The following PCDH17 variants were observed in gnomAD, a reference collection of about 807,000 sequenced individuals.
PCDH17 encodes protocadherin 17.
A neutral mutation model predicts 67.7 loss-of-function variants in PCDH17; 21 were observed. The ratio of observed to expected loss-of-function variants is 0.31; its 90% CI spans 0.22 to 0.45. PCDH17 has a LOEUF of 0.45. Among genes scored for constraint, PCDH17 ranks in the 20% least tolerant of loss-of-function variants. The pLI is 1.00. For missense variants in PCDH17, 1,471 were observed against 1,564.8 expected (o/e 0.94, Z 1.01); for synonymous variants, 701 against 656.7 (o/e 1.07, Z -1.03).
intron 1 of PCDH17, among the ~76,000 whole-genome samples, chr13:57,656,317 T>TAA (rs1489934804): frequency 2.0e-5 from 3 of 152,146 alleles, no homozygotes; most frequent in Non-Finnish European, 4.4e-5. Context: ...AGCTTGATCA[T>TAA]AAAAATTTAA....
At position 57,634,778 on chromosome 13, in the gene PCDH17, C is replaced by T. The variant is rs769907429; in HGVS notation, c.2232C>T (p.Ile744=). 1.1e-5 allele frequency: 18 copies of T among 1,613,924 alleles called. No homozygotes were observed. In the African/African-American group the frequency reaches 1.2e-4, roughly 11 times the overall value. The change falls in exon 1 of 4, where the codon ATC becomes ATT. Residue 744 remains isoleucine, a synonymous_variant. Coordinates refer to ENST00000377918, the MANE Select transcript of PCDH17 (RefSeq NM_001040429.3). This position sits in a 1 kb window ranked among gnomAD's most constrained non-coding sequence, Gnocchi z 7.8. ...NKEIRTYNCR[I]AEYSHPQLGG... is the part of the protein sequence containing the mutation. ...AGATCCGCACTTACAACTGCCGCAT[C>T]GCCGAGTACAGCCACCCGCAGCTGG...
At chr13:57,645,018 C>G (rs1954948366) in intron 1 of PCDH17, among the ~76,000 whole-genome samples, 1 of 151,520 alleles carries the variant, frequency 6.6e-6, no homozygotes, top group South Asian at 2.1e-4. Flanking sequence ...TTTTAAAGTG[C>G]AGTAAAAAAT....
chr13:57,698,014 G>A (rs1955627351), intron 3 of PCDH17, among the ~76,000 whole-genome samples: 1 of 151,412 alleles, frequency 6.6e-6, no homozygotes, highest in Non-Finnish European at 1.5e-5. Context: ...TCACAGCAGT[G>A]GGGCATCTGA....
intron 3 of PCDH17, among the ~76,000 whole-genome samples, chr13:57,669,501 A>T (rs933231205): frequency 6.6e-6 from 1 of 151,364 alleles, no homozygotes; most frequent in Admixed American, 6.6e-5. Context: ...TGTCTATGTC[A>T]ACTATTTTAT....
intron 1 of PCDH17, among the ~76,000 whole-genome samples, chr13:57,658,996 A>G (rs1955147766): frequency 6.6e-6 from 1 of 152,086 alleles, no homozygotes; most frequent in African/African-American, 2.4e-5. Flanking sequence ...TCAGAGTTCT[A>G]TGGTGTGTCA....
At chr13:57,673,509 A>G (rs1195889456) in intron 3 of PCDH17, among the ~76,000 whole-genome samples, 4 of 152,006 alleles carry the variant, frequency 2.6e-5, no homozygotes, top group Admixed American at 2.6e-4. Flanking sequence ...CCACGTAACC[A>G]AGAACATGAA....
chr13:57,716,422 C>T (rs947160972), intron 3 of PCDH17, among the ~76,000 whole-genome samples: 3 of 152,016 alleles, frequency 2.0e-5, no homozygotes, highest in Admixed American at 6.6e-5. Flanking sequence ...AAGCTGGTCT[C>T]TTACTGCCCT....
intron 3 of PCDH17, among the ~76,000 whole-genome samples, chr13:57,696,040 G>A (rs531652892): frequency 7.9e-5 from 12 of 151,440 alleles, no homozygotes; most frequent in African/African-American, 2.9e-4. Flanking sequence ...GTCTCTCTTT[G>A]AAGATGAAGT....
At chr13:57,722,935 T>C (rs185506396) in intron 3 of PCDH17, among the ~76,000 whole-genome samples, 1 of 152,092 alleles carries the variant, frequency 6.6e-6, no homozygotes, top group Admixed American at 6.6e-5. Flanking sequence ...TACCCCCTTT[T>C]AAAAAATTTC....
chr13:57,639,397 T>C (rs941639779), intron 1 of PCDH17, among the ~76,000 whole-genome samples: 1 of 151,858 alleles, frequency 6.6e-6, no homozygotes, highest in African/African-American at 2.4e-5. Flanking sequence ...ATATTGTTAC[T>C]TTTATTTTTA....
At chr13:57,701,840 T>C (rs891011035) in intron 3 of PCDH17, among the ~76,000 whole-genome samples, 1 of 152,164 alleles carries the variant, frequency 6.6e-6, no homozygotes, top group Non-Finnish European at 1.5e-5. Context: ...TTTTATTACA[T>C]ATTTAAATTG....
At position 57,724,775 on chromosome 13, in the gene PCDH17, C is replaced by G. The variant is rs138830034; in HGVS notation, c.2961C>G (p.Tyr987Ter). Reference protein sequence around the residue: ...TVEANVETETYETVNPTGKKT... With the variant: ...TVEANVETET ...AAGCTAATGTTGAGACTGAGACTTA[C>G]GAAACTGTGAATCCCACTGGGAAAA... The change falls in exon 4 of 4, where the codon TAC (tyrosine) becomes TAG (stop). Residue 987 changes from tyrosine (Y) to a stop codon, truncating the protein, a stop_gained. Transcript: ENST00000377918. LOFTEE classifies it high-confidence loss of function. The G allele has an allele frequency of 6.2e-7, 1 of 1,614,098 alleles. No homozygotes were observed. Among genetic ancestry groups the G allele is most frequent in the Non-Finnish European group, 8.5e-7 (1 of 1,180,018 alleles).
At chr13:57,652,890 T>C (rs1170677291) in intron 1 of PCDH17, among the ~76,000 whole-genome samples, 1 of 152,194 alleles carries the variant, frequency 6.6e-6, no homozygotes, top group Admixed American at 6.5e-5. Context: ...TAACTGCTGC[T>C]ATAAAGTACT....
chr13:57,652,121 A>C (rs1197595872), intron 1 of PCDH17, among the ~76,000 whole-genome samples: 1 of 151,738 alleles, frequency 6.6e-6, no homozygotes, highest in Non-Finnish European at 1.5e-5. Context: ...TACTAAAAAT[A>C]CAAAAAATTA....
At chr13:57,657,112 T>TATTAAAGTTATC (rs1162978940) in intron 1 of PCDH17, among the ~76,000 whole-genome samples, 2 of 152,162 alleles carry the variant, frequency 1.3e-5, no homozygotes, top group African/African-American at 4.8e-5. Context: ...CATCAGTTAT[T>TATTAAAGTTATC]ATTAAAGTTA....
chr13:57,630,353 TA>T (rs77570917), upstream of PCDH17, among the ~76,000 whole-genome samples: 520 of 137,756 alleles, frequency 3.8e-3, 1 homozygote, highest in Middle Eastern at 7.4e-3. Context: ...AAGGAGGAAT[TA>T]AAAAAAAAAA....
In PCDH17 at chr13:57,633,032, C is replaced by T. The variant is rs1306018964; in HGVS notation, c.486C>T (p.Gly162=). Residue 162 remains glycine, a synonymous_variant, in exon 1 of 4, where the codon GGC becomes GGT. Coordinates refer to ENST00000377918, the MANE Select transcript of PCDH17 (RefSeq NM_001040429.3). This position sits in a 1 kb window ranked among gnomAD's most constrained non-coding sequence, Gnocchi z 6.2. ...CCAGCGCACATGACCCCGACGCCGG[C>T]GAGAATGGGCTCCGCACCTACCTGC... is the stretch of plus-strand genomic sequence containing the variant. ...PLTSAHDPDA[G]ENGLRTYLLT... is the part of the protein sequence containing the mutation. The T allele has an allele frequency of 3.1e-6, 5 of 1,612,824 alleles. No individual in the cohort carries two copies. In the South Asian group the frequency reaches 3.3e-5, roughly 11 times the overall value.
At chr13:57,643,107 C>T (rs570835397) in intron 1 of PCDH17, among the ~76,000 whole-genome samples, 21 of 151,464 alleles carry the variant, frequency 1.4e-4, no homozygotes, top group African/African-American at 4.3e-4. Flanking sequence ...GCTATTTTTT[C>T]ACGGCGACAT....
At position 57,725,246 on chromosome 13, in the gene PCDH17, G is replaced by A; in HGVS notation, c.3432G>A (p.Lys1144=). ...DAEEVVREID[K]LLQDCRGNDP... ...AGGAAGTTGTGAGAGAAATTGATAA[G>A]CTTTTGCAAGACTGCCGGGGAAACG... Residue 1144 remains lysine (K), a synonymous_variant, in exon 4 of 4, where the codon AAG becomes AAA. Transcript: ENST00000377918. The A allele has an allele frequency of 1.2e-6, 2 of 1,613,538 alleles. No homozygotes were observed. Among genetic ancestry groups the A allele is most frequent in the African/African-American group, 1.3e-5 (1 of 74,848 alleles).
Sources: allele counts gnomAD v4.1 joint callset (sites outside exome capture counted in the v4.1 genomes callset), GRCh38; gene constraint gnomAD v4.1.1; non-coding constraint Gnocchi (gnomAD v3.1); transcripts MANE v1.5; gene names NCBI Gene and HGNC (gene_info 2026-07-23, HGNC 2026-07-21).